Variants in AFF2 observed in about 807,000 individuals in gnomAD.
AFF2 encodes ALF transcription elongation factor 2.
In AFF2, 14 loss-of-function variants were observed where a neutral mutation model predicts 76.9. That is an observed-to-expected ratio of 0.18 (90% CI 0.12 to 0.28). AFF2 has a LOEUF of 0.28. Ranked by LOEUF, AFF2 falls within the 10% of genes least tolerant of loss-of-function variation. AFF2 has a pLI of 1.00. For synonymous variants in AFF2, 398 were observed against 366.7 expected (o/e 1.09, Z -0.98); for missense variants, 868 against 1,001.1 (o/e 0.87, Z 1.79).
At chrX:148,770,183 G>A (rs1389773361) in intron 3 of AFF2, among the ~76,000 whole-genome samples, 1 of 111,546 alleles carries the variant, frequency 9.0e-6, no homozygotes, top group Admixed American at 9.5e-5. Context: ...AAAATCATGC[G>A]TGTGGCATGA....
At chrX:148,920,621 C>CGT (rs1410646415) in intron 9 of AFF2, among the ~76,000 whole-genome samples, 7 of 27,779 alleles carry the variant, frequency 2.5e-4, no homozygotes, top group South Asian at 0.011. Flanking sequence ...TGTGAGTGTG[C>CGT]GTGTGTGTGC....
chrX:148,538,916 C>T (rs899500278), intron 1 of AFF2, among the ~76,000 whole-genome samples: 1 of 111,524 alleles, frequency 9.0e-6, no homozygotes, highest in South Asian at 3.8e-4. Context: ...AAGATAGTTT[C>T]CACTCTGAAG....
chrX:148,596,569 G>A (rs1000629899), intron 1 of AFF2, among the ~76,000 whole-genome samples: 2 of 112,090 alleles, frequency 1.8e-5, no homozygotes, highest in Non-Finnish European at 3.8e-5. Context: ...TAGGAATCAG[G>A]ATTTCCCTGG....
chrX:148,644,157 G>T (rs1337912200), intron 1 of AFF2, among the ~76,000 whole-genome samples: 1 of 111,808 alleles, frequency 8.9e-6, no homozygotes, highest in Admixed American at 9.5e-5. Flanking sequence ...CCCCTGAGAA[G>T]CCGAGATATT....
chrX:148,945,195 A>G (rs1366376795), intron 9 of AFF2, among the ~76,000 whole-genome samples: 2 of 111,578 alleles, frequency 1.8e-5, no homozygotes, highest in Admixed American at 9.5e-5. Flanking sequence ...AAAGAAACAT[A>G]CATTAAGTGA....
At chrX:148,595,963 A>G (rs1217152573) in intron 1 of AFF2, among the ~76,000 whole-genome samples, 1 of 111,854 alleles carries the variant, frequency 8.9e-6, no homozygotes, top group African/African-American at 3.3e-5. Context: ...GAGAAGAAGG[A>G]ATAATCTAGG....
intron 4 of AFF2, among the ~76,000 whole-genome samples, chrX:148,831,846 G>C (rs868954449): frequency 8.9e-6 from 1 of 111,805 alleles, no homozygotes; most frequent in Middle Eastern, 4.7e-3. Flanking sequence ...TGGATACAAA[G>C]GGTCTAAATC....
At chrX:148,503,344 G>A (rs1207166857) in intron 1 of AFF2, among the ~76,000 whole-genome samples, 3 of 111,779 alleles carry the variant, frequency 2.7e-5, no homozygotes, top group Non-Finnish European at 5.6e-5. Context: ...GAAGTCCAGA[G>A]CATGCCAGTT....
intron 15 of AFF2, among the ~76,000 whole-genome samples, chrX:148,968,806 G>A (rs1557289168): frequency 8.9e-6 from 1 of 112,284 alleles, no homozygotes; most frequent in African/African-American, 3.2e-5. Context: ...AAATGACAAG[G>A]CAGGCTGGGT....
chrX:148,864,035 A>G (rs1304628668), intron 7 of AFF2, among the ~76,000 whole-genome samples: 1 of 111,462 alleles, frequency 9.0e-6, no homozygotes, highest in Non-Finnish European at 1.9e-5. Context: ...CTAGGGCTCA[A>G]AGATGCCCTG....
intron 1 of AFF2, among the ~76,000 whole-genome samples, chrX:148,560,843 G>A (rs554271049): frequency 9.1e-6 from 1 of 110,471 alleles, no homozygotes; most frequent in Non-Finnish European, 1.9e-5. Flanking sequence ...TTCTGGGGGG[G>A]GCACCTCCTG....
intron 9 of AFF2, among the ~76,000 whole-genome samples, chrX:148,916,976 G>A (rs1191804124): frequency 4.4e-5 from 5 of 112,362 alleles, no homozygotes; most frequent in Non-Finnish European, 3.8e-5. Context: ...AAGTTCAACC[G>A]TCCTAGTTTA....
intron 3 of AFF2, among the ~76,000 whole-genome samples, chrX:148,681,627 AAGAAAG>A (rs1557259967): frequency 9.3e-6 from 1 of 107,215 alleles, no homozygotes; most frequent in African/African-American, 3.4e-5. Context: ...GAAAGAAAGA[AAGAAAG>A]AGAAGAGAAA....
At chrX:148,544,803 C>G (rs1030190588) in intron 1 of AFF2, among the ~76,000 whole-genome samples, 9 of 111,586 alleles carry the variant, frequency 8.1e-5, no homozygotes, top group East Asian at 2.8e-4. Context: ...TACTGTGTTA[C>G]GATCACCACA....
At chrX:148,620,553 G>A (rs782581377) in intron 1 of AFF2, among the ~76,000 whole-genome samples, 1 of 109,766 alleles carries the variant, frequency 9.1e-6, no homozygotes. Context: ...TGTTCTTCTA[G>A]TGATTTTTGG....
chrX:148,581,977 C>G (rs1226360855), intron 1 of AFF2, among the ~76,000 whole-genome samples: 2 of 111,965 alleles, frequency 1.8e-5, no homozygotes, highest in Non-Finnish European at 3.8e-5. Flanking sequence ...CTCCTTTAAT[C>G]TGGGACGTTC....
At chrX:148,964,913 T>G (rs2072154117) in intron 13 of AFF2, among the ~76,000 whole-genome samples, 1 of 112,736 alleles carries the variant, frequency 8.9e-6, no homozygotes, top group Admixed American at 9.3e-5. Context: ...AAACTTCACA[T>G]GTATCATCAA....
At chrX:148,834,505 A>ATGTGTGTG (rs61709112) in intron 4 of AFF2, among the ~76,000 whole-genome samples, 32 of 91,704 alleles carry the variant, frequency 3.5e-4, no homozygotes, top group African/African-American at 1.2e-3. Flanking sequence ...CCAGTCTCAG[A>ATGTGTGTG]TGTGTGTGTG....
chrX:148,813,381 T>G (rs138179203), intron 4 of AFF2, among the ~76,000 whole-genome samples: 330 of 112,199 alleles, frequency 2.9e-3, no homozygotes, highest in Non-Finnish European at 4.4e-3. Flanking sequence ...ACCAACATAA[T>G]TTGAACAGAT....
Sources: allele counts gnomAD v4.1 joint callset (sites outside exome capture counted in the v4.1 genomes callset), GRCh38; gene constraint gnomAD v4.1.1; transcripts MANE v1.5; gene names NCBI Gene and HGNC (gene_info 2026-07-23, HGNC 2026-07-21).